Variants in ANKRD6 observed in about 807,000 individuals in gnomAD.
The protein encoded by ANKRD6 is ankyrin repeat domain 6, also known as ankyrin repeat domain-containing protein 6.
Under a neutral mutation model 82.3 loss-of-function variants are expected in ANKRD6, and 56 were observed. That is an observed-to-expected ratio of 0.68 (90% CI 0.55 to 0.85). The LOEUF (loss-of-function observed/expected upper bound fraction) is 0.85, where lower values mean the gene tolerates loss of function less well. Ranked by LOEUF, ANKRD6 falls within the 40% of genes least tolerant of loss-of-function variation. ANKRD6 has a pLI of 0.00. For missense variants in ANKRD6, 852 were observed against 907.6 expected, an observed-to-expected ratio of 0.94 and a Z score of 0.79; for synonymous variants, 347 against 352.1, an observed-to-expected ratio of 0.99 and a Z score of 0.16.
In ANKRD6 at chr6:89,630,564, G is replaced by C; in HGVS notation, c.1744G>C (p.Asp582His). ...QRLQQELSSS[D>H]CTGSRLRNVK... ...ACTCCAGCAGGAGCTGTCGTCTTCT[G>C]ACTGTACAGGCTCCCGACTGAGAAA... The change falls in exon 16 of 16, where the codon GAC becomes CAC. Residue 582 changes from aspartate (D) to histidine (H), a missense_variant. Coordinates refer to ENST00000339746, the MANE Select transcript of ANKRD6 (RefSeq NM_001242809.2). 6.8e-6 allele frequency: 11 copies of C among 1,613,946 alleles called. No homozygotes were observed. Among genetic ancestry groups the C allele is most frequent in the Non-Finnish European group, 9.3e-6 (11 of 1,179,846 alleles).
chr6:89,565,386 T>C (rs1171064061), intron 1 of ANKRD6: 1 of 152,244 alleles, frequency 6.6e-6, no homozygotes, highest in Non-Finnish European at 1.5e-5. Flanking sequence ...AGATGGAGAA[T>C]GATGAGAAAG....
At position 89,442,024 on chromosome 6, in the gene ANKRD6, G is replaced by T. The variant is rs577170229; in HGVS notation, c.-144+8649G>T. ...TTATTTTTTTATTTTTTTGAGACAG[G>T]GTCTCACTCTGTCGCCCAGGCTGGA... On this transcript the variant is annotated intron_variant, in intron 1 of 15. Transcript: ENST00000339746. Among the ~76,000 whole-genome samples the T allele has an allele frequency of 2.0e-5, 3 of 151,564 alleles. No homozygotes were observed. The East Asian group carries it at 5.9e-4, about 30-fold the overall frequency.
At chr6:89,625,399 AT>A (rs1186120775) in intron 13 of ANKRD6, among the ~76,000 whole-genome samples, 1 of 152,022 alleles carries the variant, frequency 6.6e-6, no homozygotes, top group Non-Finnish European at 1.5e-5. Flanking sequence ...ATAATTATGT[AT>A]TTTTTTCTTT....
At chr6:89,518,905 G>A (rs1426843782) in intron 1 of ANKRD6, among the ~76,000 whole-genome samples, 1 of 152,208 alleles carries the variant, frequency 6.6e-6, no homozygotes. Context: ...CAAGATCAGT[G>A]TGTCTGCTGG....
chr6:89,550,453 C>T (rs150383731), intron 1 of ANKRD6, among the ~76,000 whole-genome samples: 3 of 152,098 alleles, frequency 2.0e-5, no homozygotes, highest in African/African-American at 7.2e-5. Flanking sequence ...GTAGTTCCGT[C>T]CATATAAAGT....
chr6:89,600,356 C>T (rs945516491), intron 3 of ANKRD6, among the ~76,000 whole-genome samples: 8 of 152,190 alleles, frequency 5.3e-5, no homozygotes, highest in African/African-American at 9.7e-5. Flanking sequence ...CTGTGCCGTA[C>T]CATCCAGTGA....
intron 2 of ANKRD6, among the ~76,000 whole-genome samples, chr6:89,578,443 G>A (rs1355994955): frequency 6.6e-6 from 1 of 151,774 alleles, no homozygotes; most frequent in Non-Finnish European, 1.5e-5. Flanking sequence ...CTACAGACAC[G>A]TGCCACCACA....
rs187428888 is a variant in ANKRD6 at position 89,626,865 on chromosome 6, C to T, written c.1372-718C>T. Among the ~76,000 whole-genome samples, 110 of 152,344 alleles carry T rather than the reference C, an allele frequency of 7.2e-4. 1 individual carries two copies. In the East Asian group the frequency reaches 0.012, roughly 17 times the overall value. ...TTAAGTTCCTTCTACACTCTTCTTA[C>T]GTACTTTAGCTACTTCCAATGAAGC... On this transcript the variant is annotated intron_variant, in intron 13 of 15. Coordinates refer to ENST00000339746, the MANE Select transcript of ANKRD6 (RefSeq NM_001242809.2).
At chr6:89,561,985 C>T (rs1787492841) in intron 1 of ANKRD6, among the ~76,000 whole-genome samples, 1 of 152,186 alleles carries the variant, frequency 6.6e-6, no homozygotes. Flanking sequence ...TTTGTACTGA[C>T]AGAGTAATTT....
At chr6:89,562,232 G>A (rs1284625574) in intron 1 of ANKRD6, among the ~76,000 whole-genome samples, 1 of 152,122 alleles carries the variant, frequency 6.6e-6, no homozygotes, top group African/African-American at 2.4e-5. Flanking sequence ...CCCCTCCCCG[G>A]CAGAGACTGT....
chr6:89,531,407 AGG>A lies in ANKRD6; in HGVS notation c.-143-35426_-143-35425del, dbSNP rs1783127927. Among the ~76,000 whole-genome samples the A allele has an allele frequency of 2.0e-5, 3 of 152,280 alleles. No homozygotes were observed. The South Asian group carries it at 6.2e-4, about 32-fold the overall frequency. ...TTTTATCTCCCATTTCTAAGAGAAA[AGG>A]CATTAATATCCAACCATGTGGATCG... On this transcript the variant is annotated intron_variant, in intron 1 of 15. Transcript: ENST00000339746.
At chr6:89,613,992 C>A in intron 7 of ANKRD6, 102 bp downstream of exon 7, 1 of 1,177,930 alleles carries the variant, frequency 8.5e-7, no homozygotes, top group Non-Finnish European at 1.2e-6. Context: ...GGGAAGCTGC[C>A]ATGTCACCTA....
chr6:89,595,429 G>GA (rs1330525630), intron 2 of ANKRD6, among the ~76,000 whole-genome samples: 347 of 136,906 alleles, frequency 2.5e-3, no homozygotes, highest in South Asian at 7.6e-3. Context: ...CTGTCTCAAA[G>GA]AAAAAAAAAA....
chr6:89,445,024 CT>C (rs761411509), intron 1 of ANKRD6, among the ~76,000 whole-genome samples: 20 of 152,174 alleles, frequency 1.3e-4, no homozygotes, highest in Middle Eastern at 6.8e-3. Flanking sequence ...ATGAGCTCCC[CT>C]AGTCCCTAGA....
intron 1 of ANKRD6, among the ~76,000 whole-genome samples, chr6:89,545,949 T>G (rs1439138108): frequency 6.6e-6 from 1 of 152,140 alleles, no homozygotes; most frequent in East Asian, 1.9e-4. Context: ...GGACCACAGG[T>G]GCCCACCACC....
intron 1 of ANKRD6, among the ~76,000 whole-genome samples, chr6:89,468,639 T>C (rs1202239): frequency 0.14 from 20,978 of 147,358 alleles, 1,948 homozygotes; most frequent in East Asian, 0.4. Context: ...GTGCATAATT[T>C]TCATGGTATC....
chr6:89,501,903 C>T (rs1407963489), intron 1 of ANKRD6, among the ~76,000 whole-genome samples: 1 of 151,860 alleles, frequency 6.6e-6, no homozygotes, highest in African/African-American at 2.4e-5. Flanking sequence ...TGTCCCATCT[C>T]ATCACCTCCC....
chr6:89,582,215 A>T (rs1057305069), intron 2 of ANKRD6, among the ~76,000 whole-genome samples: 8 of 152,072 alleles, frequency 5.3e-5, no homozygotes, highest in South Asian at 2.1e-4. Context: ...AATTAAAAAA[A>T]TTTTTTTGTA....
intron 1 of ANKRD6, among the ~76,000 whole-genome samples, chr6:89,531,256 G>GAC: frequency 6.6e-6 from 1 of 152,366 alleles, no homozygotes; most frequent in South Asian, 2.1e-4. Flanking sequence ...TCGCTGTTAG[G>GAC]ATGAGGAAAG....
Sources: gnomAD v4.1 joint callset for allele counts (sites outside exome capture counted in the v4.1 genomes callset) on GRCh38, gnomAD v4.1.1 for gene constraint, MANE v1.5 for transcripts, NCBI Gene and HGNC (gene_info 2026-07-23, HGNC 2026-07-21) for gene names.